PKP4: variants seen among roughly 807,000 people sequenced by gnomAD.
The protein encoded by PKP4 is plakophilin-4.
In PKP4, 90 loss-of-function variants were observed where a neutral mutation model predicts 145.1. The observed-to-expected ratio is 0.62, with a 90% confidence interval of 0.52 to 0.74. The LOEUF is 0.74. Among genes scored for constraint, PKP4 ranks in the 30% least tolerant of loss-of-function variants. PKP4 has a pLI of 0.00. For missense variants in PKP4, 1,340 were observed against 1,482.7 expected (o/e 0.90, Z 1.58); for synonymous variants, 563 against 577.2 (o/e 0.98, Z 0.35).
chr2:158,611,470 A>G (rs1045986339), intron 4 of PKP4, among the ~76,000 whole-genome samples: 3 of 152,144 alleles, frequency 2.0e-5, no homozygotes, highest in African/African-American at 7.2e-5. Context: ...ATAAAAAAAC[A>G]TCAATACCGA....
chr2:158,564,696 A>C (rs1005392598), intron 2 of PKP4, among the ~76,000 whole-genome samples: 2 of 152,182 alleles, frequency 1.3e-5, no homozygotes, highest in African/African-American at 2.4e-5. Context: ...ATGATGAAAA[A>C]TGACATCTCA....
At position 158,465,552 on chromosome 2, in the gene PKP4, G is replaced by A. The variant is rs868250376; in HGVS notation, c.-6+8334G>A. 2.2e-4 allele frequency among the ~76,000 whole-genome samples: 33 copies of A among 152,060 alleles called. 1 individual carries two copies. In the Middle Eastern group the frequency reaches 0.014, roughly 63 times the overall value. ...TTATTTTTCATGCAGCAGTATTTTCGTTTATTGTGTTTTGTGCTTTTCTTT... is the reference window on the plus strand; with the variant it reads ...TTATTTTTCATGCAGCAGTATTTTCATTTATTGTGTTTTGTGCTTTTCTTT... On this transcript the variant is annotated intron_variant, in intron 1 of 21. Coordinates refer to ENST00000389759, the MANE Select transcript of PKP4 (RefSeq NM_003628.6).
intron 2 of PKP4, among the ~76,000 whole-genome samples, chr2:158,536,686 C>T (rs138974426): frequency 2.6e-4 from 39 of 152,288 alleles, no homozygotes; most frequent in Admixed American, 1.2e-3. Flanking sequence ...TGGCATAATG[C>T]TAGAATTTAC....
chr2:158,641,256 T>C (rs2054258026), intron 10 of PKP4, among the ~76,000 whole-genome samples: 1 of 151,844 alleles, frequency 6.6e-6, no homozygotes, highest in Non-Finnish European at 1.5e-5. Context: ...GAGAATCACT[T>C]GAACCTGGGA....
chr2:158,505,891 C>T (rs1161350188), intron 1 of PKP4, among the ~76,000 whole-genome samples: 22 of 152,002 alleles, frequency 1.4e-4, no homozygotes, highest in Admixed American at 1.3e-3. Context: ...CACCTTTCCA[C>T]CAGCAGATCT....
At position 158,625,125 on chromosome 2, in the gene PKP4, C is replaced by A; in HGVS notation, c.851C>A (p.Ala284Asp). The A allele has an allele frequency of 6.2e-7, 1 of 1,614,162 alleles. No homozygotes were observed. Among genetic ancestry groups the A allele is most frequent in the Non-Finnish European group, 8.5e-7 (1 of 1,180,010 alleles). The change falls in exon 7 of 22, where the codon GCT becomes GAT. Residue 284 changes from alanine to aspartate, a missense_variant. By Grantham distance (126) the Ala-to-Asp change is moderately radical (BLOSUM62 -2). Transcript: ENST00000389759. ...TCACAGAGACCCGCCTCCCCAACAG[C>A]TATACGGCGGATTGGGTCAGTCACC... is the stretch of plus-strand genomic sequence containing the variant. ...PYSQRPASPT[A>D]IRRIGSVTSR... is the part of the protein sequence containing the mutation.
intron 11 of PKP4, among the ~76,000 whole-genome samples, chr2:158,655,807 T>C (rs1463017428): frequency 1.3e-5 from 2 of 152,230 alleles, no homozygotes; most frequent in Non-Finnish European, 2.9e-5. Context: ...GGCTGCATGC[T>C]GCCACTGTGG....
At chr2:158,463,252 C>G (rs150708693) in intron 1 of PKP4, among the ~76,000 whole-genome samples, 41 of 152,024 alleles carry the variant, frequency 2.7e-4, no homozygotes, top group Non-Finnish European at 4.6e-4. Context: ...ACAATTATTG[C>G]GTTTGTAATC....
In PKP4 at chr2:158,478,747, G is replaced by A. The variant is rs185467451; in HGVS notation, c.-6+21529G>A. Reference sequence around the variant, plus strand: ...TAATTAAACTTTTTGCTTAGGGTTTGTATGGCACATTTTAAATATGGGACA... The same window carrying A: ...TAATTAAACTTTTTGCTTAGGGTTTATATGGCACATTTTAAATATGGGACA... On this transcript the variant is annotated intron_variant, in intron 1 of 21. Coordinates refer to ENST00000389759, the MANE Select transcript of PKP4 (RefSeq NM_003628.6). 7.9e-4 allele frequency among the ~76,000 whole-genome samples: 120 copies of A among 152,368 alleles called. 1 individual carries two copies. Among genetic ancestry groups the A allele is most frequent in the Admixed American group, 6.7e-3 (103 of 15,308 alleles).
chr2:158,554,349 A>C (rs2045891108), intron 2 of PKP4, among the ~76,000 whole-genome samples: 2 of 151,942 alleles, frequency 1.3e-5, no homozygotes, highest in Admixed American at 1.3e-4. Context: ...CATTTCCTTT[A>C]GACATTATAT....
intron 1 of PKP4, among the ~76,000 whole-genome samples, chr2:158,500,616 G>T (rs1488679247): frequency 6.6e-6 from 1 of 152,134 alleles, no homozygotes; most frequent in African/African-American, 2.4e-5. Flanking sequence ...TTCAGAGCCC[G>T]TGCCTTCCTT....
At chr2:158,662,412 T>C (rs1011705852) in intron 13 of PKP4, 3 of 153,204 alleles carry the variant, frequency 2.0e-5, no homozygotes, top group Non-Finnish European at 4.4e-5. Flanking sequence ...CAAAAGACCA[T>C]GTACAGAAGG....
At chr2:158,552,705 A>G (rs769912799) in intron 2 of PKP4, among the ~76,000 whole-genome samples, 2 of 152,204 alleles carry the variant, frequency 1.3e-5, no homozygotes, top group Admixed American at 6.5e-5. Flanking sequence ...ATTCCAATAA[A>G]GTGAGACATA....
In PKP4 at chr2:158,577,410, T is replaced by C. The variant is rs372520151; in HGVS notation, c.245+27T>C. ...TACAGGGCCAATGGCTCCATCTTTATGCACACTCAAGTTACATGCCTTACT... is the reference window on the plus strand; with the variant it reads ...TACAGGGCCAATGGCTCCATCTTTACGCACACTCAAGTTACATGCCTTACT... On this transcript the variant is annotated intron_variant, in intron 3 of 21. Transcript: ENST00000389759. The C allele has an allele frequency of 1.6e-5, 22 of 1,408,088 alleles. No individual in the cohort carries two copies. In the African/African-American group the frequency reaches 2.7e-4, roughly 17 times the overall value. 87.2% of individuals were successfully genotyped at this position (1,408,088 alleles called of 1,614,324 possible). A position where few individuals can be genotyped will look rare whatever the true frequency, so the allele number is the denominator to read the frequency against.
At chr2:158,585,492 A>G (rs1457995385) in intron 3 of PKP4, among the ~76,000 whole-genome samples, 1 of 152,208 alleles carries the variant, frequency 6.6e-6, no homozygotes, top group Non-Finnish European at 1.5e-5. Context: ...AATCCTAAAA[A>G]TGTTTTAGAG....
intron 2 of PKP4, among the ~76,000 whole-genome samples, chr2:158,546,282 C>T (rs1465140755): frequency 1.3e-5 from 2 of 152,110 alleles, no homozygotes; most frequent in African/African-American, 2.4e-5. Flanking sequence ...TTTGTTCAAA[C>T]GTCATTTTTC....
intron 4 of PKP4, among the ~76,000 whole-genome samples, chr2:158,619,057 C>T (rs934958004): frequency 5.3e-5 from 8 of 152,126 alleles, no homozygotes; most frequent in Non-Finnish European, 1.0e-4. Context: ...GGTTTCCGTC[C>T]CTGATGGAAC....
intron 1 of PKP4, among the ~76,000 whole-genome samples, chr2:158,503,053 A>G (rs1337785904): frequency 2.6e-5 from 4 of 152,242 alleles, no homozygotes; most frequent in Non-Finnish European, 5.9e-5. Flanking sequence ...AATTCCAGCT[A>G]GGAACCTCCC....
intron 1 of PKP4, among the ~76,000 whole-genome samples, chr2:158,461,788 T>C (rs1297985746): frequency 6.6e-6 from 1 of 151,816 alleles, no homozygotes; most frequent in East Asian, 1.9e-4. Flanking sequence ...AGTACTGCTC[T>C]TCCTTCATCT....
Sources: allele counts gnomAD v4.1 joint callset (sites outside exome capture counted in the v4.1 genomes callset), GRCh38; gene constraint gnomAD v4.1.1; transcripts MANE v1.5; gene names NCBI Gene and HGNC (gene_info 2026-07-23, HGNC 2026-07-21).